The following OBI1 variants were observed in gnomAD, a reference collection of about 807,000 sequenced individuals.
OBI1 encodes the protein ring finger protein 219.
Under a neutral mutation model 62.4 loss-of-function variants are expected in OBI1, and 59 were observed. That is an observed-to-expected ratio of 0.95 (90% CI 0.77 to 1.17). The LOEUF is 1.17. OBI1 is among the 50% of genes most tolerant of loss of function. OBI1 has a pLI of 0.00. For synonymous variants in OBI1, 302 were observed against 292.8 expected, an observed-to-expected ratio of 1.03 and a Z score of -0.32; for missense variants, 875 against 830.9, an observed-to-expected ratio of 1.05 and a Z score of -0.65.
At chr13:78,650,537 T>C (rs944273931) in intron 1 of OBI1, among the ~76,000 whole-genome samples, 5 of 152,188 alleles carry the variant, frequency 3.3e-5, no homozygotes, top group African/African-American at 1.2e-4. Context: ...AGTCAGTAAG[T>C]GGCAGAGCTT....
Position 78,639,065 on chromosome 13 carries a change from T to G in OBI1, c.307A>C (p.Ile103Leu). ...ELLHKEYEDE[I>L]DCLQKEVEEL... ...TCTACTTCTTTCTGTAAACAATCTA[T>G]TTCGTCCTGAAAAAGCATTGCATAG... The change falls in exon 4 of 6, where the codon ATA (isoleucine) becomes CTA (leucine). Residue 103 changes from isoleucine to leucine, a missense_variant. Ile to Leu is a conservative substitution (Grantham distance 5, BLOSUM62 2). Transcript: ENST00000282003. The G allele has an allele frequency of 6.2e-7, 1 of 1,612,196 alleles. No homozygotes were observed.
Position 78,630,607 on chromosome 13 carries a change from AGCCCTCATAAGTGAGATTAAT to A in OBI1, c.638+4482_638+4502del, listed in dbSNP as rs1875817207. 2.0e-5 allele frequency among the ~76,000 whole-genome samples: 3 copies of A among 152,112 alleles called. No individual in the cohort carries two copies. The South Asian group carries it at 6.2e-4, about 32-fold the overall frequency. On this transcript the variant is annotated intron_variant, in intron 5 of 5. Transcript: ENST00000282003. Reference sequence around the variant, plus strand: ...TGGGGCCTATAGGTCAAAAGGTTCAAGCCCTCATAAGTGAGATTAATGCCCTTAAAAAGATGTCCCACAAAG... The same window carrying A: ...TGGGGCCTATAGGTCAAAAGGTTCAAGCCCTTAAAAAGATGTCCCACAAAG...
intron 1 of OBI1, among the ~76,000 whole-genome samples, chr13:78,654,029 G>GA (rs11421042): frequency 0.88 from 117,378 of 133,534 alleles, 52,229 homozygotes; most frequent in East Asian, 0.98. Context: ...ATAACTTAAG[G>GA]AAAAAAAAAA....
chr13:78,655,400 T>C (rs1268036116), intron 1 of OBI1, among the ~76,000 whole-genome samples: 2 of 152,078 alleles, frequency 1.3e-5, no homozygotes, highest in East Asian at 1.9e-4. Flanking sequence ...AATCATCCCA[T>C]GGGATGGTAC....
chr13:78,619,614 G>C (rs974515941), intron 5 of OBI1, among the ~76,000 whole-genome samples: 1 of 152,094 alleles, frequency 6.6e-6, no homozygotes, highest in Non-Finnish European at 1.5e-5. Context: ...AGGGACCTGT[G>C]CTGGTTGGCA....
intron 1 of OBI1, among the ~76,000 whole-genome samples, chr13:78,647,443 T>A (rs186806680): frequency 6.2e-4 from 94 of 152,272 alleles, no homozygotes; most frequent in Non-Finnish European, 1.3e-3. Context: ...GATGTTTGGG[T>A]GGAGAGAAGC....
Position 78,615,504 on chromosome 13 carries a change from A to G in OBI1, c.*76T>C. 1 of 1,089,792 alleles carries G rather than the reference A, an allele frequency of 9.2e-7. No homozygotes were observed. Among genetic ancestry groups the G allele is most frequent in the Middle Eastern group, 2.1e-4 (1 of 4,804 alleles). 67.5% of individuals were successfully genotyped at this position (1,089,792 alleles called of 1,614,324 possible). On this transcript the variant is annotated 3_prime_UTR_variant, in exon 6 of 6. Coordinates refer to ENST00000282003, the MANE Select transcript of OBI1 (RefSeq NM_024546.4). Reference sequence around the variant, plus strand: ...CAATTCCAATTTGTATAGAACTTTTATGAGGAAAAAAGGTAACTTTAACAA... The same window carrying G: ...CAATTCCAATTTGTATAGAACTTTTGTGAGGAAAAAAGGTAACTTTAACAA...
chr13:78,657,882 C>T, intron 1 of OBI1, among the ~76,000 whole-genome samples: 1 of 152,214 alleles, frequency 6.6e-6, no homozygotes, highest in East Asian at 1.9e-4. Context: ...TCAATGCCAG[C>T]TCAAACACCA....
In OBI1 at chr13:78,627,442, A is replaced by C. The variant is rs532684175; in HGVS notation, c.638+7668T>G. Among the ~76,000 whole-genome samples, 9 of 132,924 alleles carry C rather than the reference A, an allele frequency of 6.8e-5. No homozygotes were observed. In the South Asian group the frequency reaches 1.8e-3, roughly 27 times the overall value. 87.2% of individuals were successfully genotyped at this position (132,924 alleles called of 152,430 possible). Reference sequence around the variant, plus strand: ...TCCCTCCCCTCAGCCCCCACCCCTTAACGGCCCTGGTGGGTGCTGTTCCCT... The same window carrying C: ...TCCCTCCCCTCAGCCCCCACCCCTTCACGGCCCTGGTGGGTGCTGTTCCCT... On this transcript the variant is annotated intron_variant, in intron 5 of 5. Transcript: ENST00000282003.
Position 78,615,428 on chromosome 13 carries a change from C to G in OBI1, c.*152G>C, listed in dbSNP as rs1223144601. ...CTTTTCAAAATGAACAATAAGTATT[C>G]TGGGTACAGGTTAATCCACCATCCT... On this transcript the variant is annotated 3_prime_UTR_variant, in exon 6 of 6. Coordinates refer to ENST00000282003, the MANE Select transcript of OBI1 (RefSeq NM_024546.4). The G allele has an allele frequency of 4.0e-6, 2 of 504,208 alleles. No homozygotes were observed. Among genetic ancestry groups the G allele is most frequent in the African/African-American group, 1.9e-5 (1 of 51,412 alleles). 31.2% of individuals were successfully genotyped at this position (504,208 alleles called of 1,614,324 possible). A position where few individuals can be genotyped will look rare whatever the true frequency, so the allele number is the denominator to read the frequency against.
At chr13:78,633,300 G>C (rs928362335) in intron 5 of OBI1, among the ~76,000 whole-genome samples, 2 of 152,144 alleles carry the variant, frequency 1.3e-5, no homozygotes, top group African/African-American at 4.8e-5. Context: ...CACAGGGGAA[G>C]AAACTATTTA....
chr13:78,644,168 T>C (rs1306934904), intron 2 of OBI1, among the ~76,000 whole-genome samples: 1 of 152,182 alleles, frequency 6.6e-6, no homozygotes, highest in African/African-American at 2.4e-5. Context: ...TCCTGTCTAC[T>C]CCTATAGTCC....
chr13:78,644,185 T>C (rs1876312166), intron 2 of OBI1, among the ~76,000 whole-genome samples: 1 of 152,242 alleles, frequency 6.6e-6, no homozygotes, highest in Non-Finnish European at 1.5e-5. Context: ...GTCCAACCTA[T>C]GTATTACCAC....
chr13:78,624,697 G>C (rs1875612188), intron 5 of OBI1, among the ~76,000 whole-genome samples: 1 of 152,132 alleles, frequency 6.6e-6, no homozygotes, highest in East Asian at 1.9e-4. Flanking sequence ...AACTGAAGAG[G>C]AACAGACAGC....
intron 5 of OBI1, among the ~76,000 whole-genome samples, chr13:78,618,503 G>A (rs559937876): frequency 6.6e-6 from 1 of 151,834 alleles, no homozygotes; most frequent in East Asian, 1.9e-4. Flanking sequence ...TAAACCACTA[G>A]CCCAATTCAT....
intron 1 of OBI1, among the ~76,000 whole-genome samples, chr13:78,658,691 C>T (rs1424185919): frequency 6.6e-6 from 1 of 152,166 alleles, no homozygotes; most frequent in Non-Finnish European, 1.5e-5. Context: ...CACTACACGC[C>T]ACGCGAGGCT....
chr13:78,614,333 T>A lies in OBI1; in HGVS notation c.*1247A>T, dbSNP rs949112498. On this transcript the variant is annotated 3_prime_UTR_variant, in exon 6 of 6. Transcript: ENST00000282003. Reference sequence around the variant, plus strand: ...TTTATTCAATTCACATAGAAAAGCATGCAGTATTAATGTAAAACAGTACAA... The same window carrying A: ...TTTATTCAATTCACATAGAAAAGCAAGCAGTATTAATGTAAAACAGTACAA... 6.6e-6 allele frequency: 1 copy of A among 152,632 alleles called. No individual in the cohort carries two copies. The highest frequency in any genetic ancestry group is 1.5e-5 in the Non-Finnish European group (1 of 68,048). The allele number at this position is 152,632 out of a possible 1,614,324, so 9.5% of individuals were successfully genotyped here. A position where few individuals can be genotyped will look rare whatever the true frequency, so the allele number is the denominator to read the frequency against.
rs932513555 is a variant in OBI1 at position 78,615,527 on chromosome 13, C to T, written c.*53G>A. On this transcript the variant is annotated 3_prime_UTR_variant, in exon 6 of 6. Coordinates refer to ENST00000282003, the MANE Select transcript of OBI1 (RefSeq NM_024546.4). ...TTATGAGGAAAAAAGGTAACTTTAA[C>T]AACTTTTCTATTTCTCTCAGGACAA... 20 of 1,360,208 alleles carry T rather than the reference C, an allele frequency of 1.5e-5. No individual in the cohort carries two copies. The African/African-American group carries it at 2.2e-4, about 15-fold the overall frequency. The allele number at this position is 1,360,208 out of a possible 1,614,324, so 84.3% of individuals were successfully genotyped here.
chr13:78,627,881 T>G, intron 5 of OBI1, among the ~76,000 whole-genome samples: 1 of 152,234 alleles, frequency 6.6e-6, no homozygotes, highest in East Asian at 1.9e-4. Flanking sequence ...TCAAGGTTAA[T>G]TTATCCAATG....
Sources: allele counts gnomAD v4.1 joint callset (sites outside exome capture counted in the v4.1 genomes callset), GRCh38; gene constraint gnomAD v4.1.1; transcripts MANE v1.5; gene names NCBI Gene and HGNC (gene_info 2026-07-23, HGNC 2026-07-21).